Variants in HEXA observed in about 807,000 individuals in gnomAD.
HEXA encodes the protein beta-hexosaminidase subunit alpha.
Under a neutral mutation model 73.3 loss-of-function variants are expected in HEXA, and 54 were observed. The observed-to-expected ratio is 0.74, with a 90% CI of 0.59 to 0.92. The LOEUF (loss-of-function observed/expected upper bound fraction) is 0.92, where lower values mean the gene tolerates loss of function less well. Among genes scored for constraint, HEXA ranks in the 40% least tolerant of loss-of-function variants. The probability of loss-of-function intolerance (pLI) is 0.00; values close to 1 mark genes in which losing one functional copy is unlikely to be tolerated. For missense variants in HEXA, 649 were observed against 653.0 expected (o/e 0.99, Z 0.07); for synonymous variants, 230 against 246.9 (o/e 0.93, Z 0.64).
chr15:72,345,575 G>A (rs149092488), intron 12 of HEXA, 25 bp from the exon 13 acceptor site: 2 of 1,613,552 alleles, frequency 1.2e-6, no homozygotes, highest in Admixed American at 1.7e-5. Flanking sequence ...GCATGTGCCA[G>A]ATTGGGCCCT....
intron 1 of HEXA, chr15:72,359,761 C>T (rs947637152): frequency 5.2e-5 from 7 of 135,302 alleles, no homozygotes; most frequent in Non-Finnish European, 8.0e-5. Context: ...AACAGTACTA[C>T]CAAACAGTAG....
intron 7 of HEXA, 112 bp from the exon 8 acceptor site, chr15:72,349,371 T>G: frequency 1.2e-6 from 1 of 854,298 alleles, no homozygotes; most frequent in Non-Finnish European, 2.0e-6. Context: ...TTCATAAACA[T>G]CACACACATT....
At chr15:72,372,178 G>A (rs1007213516) in intron 1 of HEXA, among the ~76,000 whole-genome samples, 1 of 151,714 alleles carries the variant, frequency 6.6e-6, no homozygotes, top group African/African-American at 2.4e-5. Flanking sequence ...ACTAAACCCC[G>A]TCTCTACTAA....
intron 1 of HEXA, among the ~76,000 whole-genome samples, chr15:72,367,000 G>T (rs773190606): frequency 4.0e-5 from 6 of 151,870 alleles, no homozygotes; most frequent in Non-Finnish European, 7.4e-5. Flanking sequence ...CTGGAGTGCA[G>T]TGGCGCACTC....
At chr15:72,350,926 A>C (rs1323307029) in intron 6 of HEXA, 14 of 636,820 alleles carry the variant, frequency 2.2e-5, no homozygotes, top group Non-Finnish European at 3.6e-5. Flanking sequence ...TAAGGCCAGA[A>C]GAGATTCTCT....
chr15:72,353,775 A>C (rs542126266), intron 3 of HEXA, 38 bp from the exon 4 acceptor site: 1 of 1,455,266 alleles, frequency 6.9e-7, no homozygotes, highest in South Asian at 1.1e-5. Flanking sequence ...AGACTCAGGG[A>C]GTGGAAAAAG....
In HEXA at chr15:72,375,969, T is replaced by A; in HGVS notation, c.4A>T (p.Thr2Ser). M[T>S]SSRLWFSLLL... ...AGCGAAAACCAAAGCCTGGAGCTTG[T>A]CATGGCCCGCTGGTCTCCCCTCTCG... The change falls in exon 1 of 14, where the codon ACA becomes TCA. Residue 2 changes from threonine (T) to serine (S), a missense_variant. Coordinates refer to ENST00000268097, the MANE Select transcript of HEXA (RefSeq NM_000520.6). The A allele has an allele frequency of 6.2e-7, 1 of 1,613,534 alleles. No individual in the cohort carries two copies. The highest frequency in any genetic ancestry group is 8.5e-7 in the Non-Finnish European group (1 of 1,180,006).
intron 13 of HEXA, chr15:72,345,122 T>TTA: frequency 2.7e-6 from 1 of 370,494 alleles, no homozygotes; most frequent in Non-Finnish European, 5.1e-6. Flanking sequence ...CTCAAGTCCC[T>TTA]TATATAAAAA....
intron 1 of HEXA, among the ~76,000 whole-genome samples, chr15:72,363,903 A>C (rs1011073781): frequency 7.9e-5 from 12 of 152,196 alleles, no homozygotes; most frequent in African/African-American, 2.7e-4. Flanking sequence ...TTTAGTTATA[A>C]CATTTTGCAC....
intron 3 of HEXA, 51 bp downstream of exon 3, chr15:72,355,508 C>G (rs990928662): frequency 7.5e-7 from 1 of 1,338,160 alleles, no homozygotes; most frequent in Non-Finnish European, 1.1e-6. Flanking sequence ...CAACACCAAC[C>G]TTCCCACATC....
intron 8 of HEXA, among the ~76,000 whole-genome samples, chr15:72,348,766 T>G (rs1020014695): frequency 2.0e-5 from 3 of 152,210 alleles, no homozygotes; most frequent in Non-Finnish European, 2.9e-5. Context: ...ACTAGACAAT[T>G]TTAAGCCTTC....
intron 1 of HEXA, among the ~76,000 whole-genome samples, chr15:72,369,289 G>A (rs2088956953): frequency 1.3e-5 from 2 of 152,182 alleles, no homozygotes; most frequent in African/African-American, 4.8e-5. Context: ...CTGTAAACAT[G>A]TAAACCTTGA....
Position 72,344,038 on chromosome 15 carries a change from C to A in HEXA, c.*39G>T. 3 of 1,564,830 alleles carry A rather than the reference C, an allele frequency of 1.9e-6. No homozygotes were observed. The highest frequency in any genetic ancestry group is 2.2e-5 in the South Asian group (2 of 90,006). The stretch of plus-strand genomic sequence containing the variant: ...TGCAGTGGAAGCCTGGCTCCACTAC[C>A]ATTCACCTACAGCCAGCACCCTCCT... On this transcript the variant is annotated 3_prime_UTR_variant, in exon 14 of 14. Coordinates refer to ENST00000268097, the MANE Select transcript of HEXA (RefSeq NM_000520.6).
At chr15:72,351,515 GA>G (rs2088695780) in intron 5 of HEXA, 1 of 515,132 alleles carries the variant, frequency 1.9e-6, no homozygotes, top group South Asian at 2.1e-5. Context: ...GCCACATTAA[GA>G]GGAGGGCTGC....
intron 7 of HEXA, 80 bp downstream of exon 7, chr15:72,350,438 C>T (rs1198789658): frequency 3.1e-5 from 45 of 1,461,240 alleles, no homozygotes; most frequent in Non-Finnish European, 9.6e-7. Flanking sequence ...TGGGATATGC[C>T]ACTTCCATGA....
chr15:72,346,235 C>T lies in HEXA; in HGVS notation c.1421G>A (p.Trp474Ter), dbSNP rs762374961. 1 of 1,612,836 alleles carries T rather than the reference C, an allele frequency of 6.2e-7. No homozygotes were observed. Among genetic ancestry groups the T allele is most frequent in the South Asian group, 1.1e-5 (1 of 90,984 alleles). ...CCACCTCCCCCCCGAAAACCCTTAC[C>T]AGAGCCTGGGGACCAGGTTTGTGTT... ...VDNTNLVPRL[W>*]PRAGAVAERL... Residue 474 changes from tryptophan to a stop codon, truncating the protein, a stop_gained and splice_region_variant, in exon 12 of 14, where the codon TGG becomes TAG. Coordinates refer to ENST00000268097, the MANE Select transcript of HEXA (RefSeq NM_000520.6). LOFTEE classifies it high-confidence loss of function.
chr15:72,369,024 G>A (rs1319003743), intron 1 of HEXA, among the ~76,000 whole-genome samples: 2 of 149,620 alleles, frequency 1.3e-5, no homozygotes, highest in Admixed American at 6.6e-5. Context: ...TTGAGTATAC[G>A]CTTCCACAGA....
At chr15:72,345,904 C>G in intron 12 of HEXA, 1 of 526,308 alleles carries the variant, frequency 1.9e-6, no homozygotes, top group Non-Finnish European at 3.4e-6. Context: ...GCAGTGAAAA[C>G]AGCAGAGGGA....
intron 12 of HEXA, chr15:72,345,752 G>T: frequency 2.9e-6 from 2 of 699,638 alleles, no homozygotes; most frequent in Non-Finnish European, 4.9e-6. Flanking sequence ...TTAAAATGTG[G>T]GTAGCAATCC....
Sources: gnomAD v4.1 joint callset for allele counts (sites outside exome capture counted in the v4.1 genomes callset) on GRCh38, gnomAD v4.1.1 for gene constraint, MANE v1.5 for transcripts, NCBI Gene and HGNC (gene_info 2026-07-23, HGNC 2026-07-21) for gene names.